GALNT10: variants seen among roughly 807,000 people sequenced by gnomAD.
GALNT10 encodes the protein polypeptide N-acetylgalactosaminyltransferase 10, also known as GalNAc transferase 10.
Under a neutral mutation model 75.0 loss-of-function variants are expected in GALNT10, and 41 were observed. The observed-to-expected ratio is 0.55, with a 90% CI of 0.43 to 0.71. GALNT10 has a LOEUF of 0.71. GALNT10 is among the 30% of genes least tolerant of loss of function. The pLI, the probability that GALNT10 is intolerant of heterozygous loss-of-function variation, is 0.00. For synonymous variants in GALNT10, 302 were observed against 313.0 expected (o/e 0.96, Z 0.37); for missense variants, 727 against 818.5 (o/e 0.89, Z 1.36).
chr5:154,213,412 G>A (rs1752807409), intron 1 of GALNT10, among the ~76,000 whole-genome samples: 1 of 152,126 alleles, frequency 6.6e-6, no homozygotes, highest in South Asian at 2.1e-4. Flanking sequence ...TGCTTTGAGG[G>A]ATGCCTGGCC....
At chr5:154,198,198 T>C (rs1426781288) in intron 1 of GALNT10, among the ~76,000 whole-genome samples, 2 of 152,230 alleles carry the variant, frequency 1.3e-5, no homozygotes, top group East Asian at 3.8e-4. Context: ...CTACACTGCC[T>C]GATTCAAAAC....
At chr5:154,349,399 T>A (rs566321012) in intron 4 of GALNT10, 2 of 152,174 alleles carry the variant, frequency 1.3e-5, no homozygotes, top group East Asian at 1.9e-4. Context: ...TTCTGAAATA[T>A]CAGAATTTCC....
intron 3 of GALNT10, among the ~76,000 whole-genome samples, chr5:154,301,401 TATC>T (rs1162071125): frequency 1.2e-4 from 18 of 152,142 alleles, no homozygotes; most frequent in Non-Finnish European, 7.3e-5. Context: ...TAATTTTAAT[TATC>T]ATGGCTATAT....
chr5:154,216,032 G>A (rs181123408), intron 1 of GALNT10, among the ~76,000 whole-genome samples: 59 of 152,180 alleles, frequency 3.9e-4, no homozygotes, highest in African/African-American at 1.4e-3. Flanking sequence ...GAAGTGGAGG[G>A]GAAACCTGTT....
chr5:154,381,460 A>C (rs1755733714), intron 6 of GALNT10, among the ~76,000 whole-genome samples: 1 of 152,240 alleles, frequency 6.6e-6, no homozygotes, highest in South Asian at 2.1e-4. Context: ...CTCCTGCGAC[A>C]CGTGTGGAAA....
At chr5:154,399,720 C>T (rs1384558305) in intron 7 of GALNT10, among the ~76,000 whole-genome samples, 2 of 152,198 alleles carry the variant, frequency 1.3e-5, no homozygotes, top group East Asian at 1.9e-4. Context: ...TGACCGAGTG[C>T]CTCTTACGGG....
intron 5 of GALNT10, among the ~76,000 whole-genome samples, chr5:154,377,417 G>A (rs1409147196): frequency 1.3e-5 from 2 of 152,218 alleles, no homozygotes; most frequent in African/African-American, 2.4e-5. Context: ...AGGGAGCAAA[G>A]AGAACTGAAG....
intron 7 of GALNT10, among the ~76,000 whole-genome samples, chr5:154,401,097 C>A (rs529436356): frequency 1.3e-5 from 2 of 152,334 alleles, no homozygotes; most frequent in South Asian, 2.1e-4. Flanking sequence ...AGCCTCCCGA[C>A]ATATCAGGGT....
chr5:154,195,296 A>G (rs917084345), intron 1 of GALNT10, among the ~76,000 whole-genome samples: 3 of 152,224 alleles, frequency 2.0e-5, no homozygotes, highest in African/African-American at 4.8e-5. Context: ...CGTGTTTTAC[A>G]TATATCTGAC....
At chr5:154,309,434 A>C (rs1754480914) in intron 3 of GALNT10, among the ~76,000 whole-genome samples, 1 of 152,204 alleles carries the variant, frequency 6.6e-6, no homozygotes, top group South Asian at 2.1e-4. Flanking sequence ...TAAAAGGATC[A>C]CTTTGGTTGC....
chr5:154,358,244 G>C (rs1755326570), intron 4 of GALNT10, among the ~76,000 whole-genome samples: 2 of 152,168 alleles, frequency 1.3e-5, no homozygotes, highest in Non-Finnish European at 2.9e-5. Flanking sequence ...TTCTGCATGG[G>C]GGGACGTGTC....
chr5:154,262,203 TC>T (rs1753708436), intron 1 of GALNT10, among the ~76,000 whole-genome samples: 1 of 152,138 alleles, frequency 6.6e-6, no homozygotes, highest in Non-Finnish European at 1.5e-5. Context: ...CATTCCTTTC[TC>T]CCGCATTGTA....
intron 7 of GALNT10, chr5:154,388,388 C>T (rs1006337414): frequency 1.3e-5 from 2 of 152,216 alleles, no homozygotes; most frequent in African/African-American, 4.8e-5. Flanking sequence ...AAGTGAAGTT[C>T]GGTCCTGATC....
At chr5:154,270,991 CAAAAA>C (rs5872366) in intron 1 of GALNT10, among the ~76,000 whole-genome samples, 1 of 76,122 alleles carries the variant, frequency 1.3e-5, no homozygotes. Context: ...GATTCCATCT[CAAAAA>C]AAAAAAAAAA....
chr5:154,321,671 T>C (rs1295910983), intron 3 of GALNT10, among the ~76,000 whole-genome samples: 1 of 152,108 alleles, frequency 6.6e-6, no homozygotes, highest in Non-Finnish European at 1.5e-5. Context: ...CCTTGATGCT[T>C]TTTACTTCCA....
intron 1 of GALNT10, among the ~76,000 whole-genome samples, chr5:154,194,950 T>G (rs994928523): frequency 2.0e-5 from 3 of 152,220 alleles, no homozygotes; most frequent in Non-Finnish European, 4.4e-5. Flanking sequence ...ATAGTATATT[T>G]AAACAGGCCT....
At chr5:154,392,818 C>T (rs1206536710) in intron 7 of GALNT10, 3 of 152,084 alleles carry the variant, frequency 2.0e-5, no homozygotes, top group Non-Finnish European at 4.4e-5. Context: ...GGTATATCTT[C>T]TGTGAATAGC....
chr5:154,325,013 T>C lies in GALNT10; in HGVS notation c.402-4559T>C, dbSNP rs138432540. Among the ~76,000 whole-genome samples, 293 of 152,308 alleles carry C rather than the reference T, an allele frequency of 1.9e-3. 1 individual carries two copies. The highest frequency in any genetic ancestry group is 6.3e-3 in the African/African-American group (262 of 41,572). ...GATTAGAGATAAAAGCCAGAAATCA[T>C]TGGATTACTTGGTTTTTGGATTTGA... On this transcript the variant is annotated intron_variant, in intron 3 of 11. Transcript: ENST00000297107.
At chr5:154,375,174 T>C (rs1755635528) in intron 4 of GALNT10, among the ~76,000 whole-genome samples, 2 of 152,224 alleles carry the variant, frequency 1.3e-5, no homozygotes, top group Admixed American at 6.5e-5. Context: ...GCCGTATGTC[T>C]AATCCTTATG....
Sources: allele counts gnomAD v4.1 joint callset (sites outside exome capture counted in the v4.1 genomes callset), GRCh38; gene constraint gnomAD v4.1.1; transcripts MANE v1.5; gene names NCBI Gene and HGNC (gene_info 2026-07-23, HGNC 2026-07-21).